Variants in GRID1 observed in about 807,000 individuals in gnomAD.
GRID1 encodes glutamate ionotropic receptor delta type subunit 1, also known as glutamate receptor ionotropic, delta-1.
Under a neutral mutation model 98.0 loss-of-function variants are expected in GRID1, and 28 were observed. That is an observed-to-expected ratio of 0.29 (90% CI 0.21 to 0.39). The LOEUF (loss-of-function observed/expected upper bound fraction) is 0.39. Ranked by LOEUF, GRID1 falls within the 10% of genes least tolerant of loss-of-function variation. GRID1 has a pLI of 1.00. For synonymous variants in GRID1, 553 were observed against 538.5 expected (o/e 1.03, Z -0.37); for missense variants, 1,111 against 1,340.5 (o/e 0.83, Z 2.67).
At chr10:85,992,616 G>T (rs948716397) in intron 4 of GRID1, among the ~76,000 whole-genome samples, 29 of 112,834 alleles carry the variant, frequency 2.6e-4, no homozygotes, top group Non-Finnish European at 4.4e-4. Flanking sequence ...GAGGAGAGGT[G>T]GGGGGGGAAC....
chr10:86,113,030 T>C (rs1844512919), intron 4 of GRID1, among the ~76,000 whole-genome samples: 1 of 152,176 alleles, frequency 6.6e-6, no homozygotes, highest in Non-Finnish European at 1.5e-5. Context: ...ACTAGACCTT[T>C]AGCCTCCGAT....
chr10:86,077,403 T>C (rs1354729532), intron 4 of GRID1, among the ~76,000 whole-genome samples: 3 of 152,190 alleles, frequency 2.0e-5, no homozygotes, highest in African/African-American at 7.2e-5. Context: ...ACCCACTGCC[T>C]GAACACACCC....
At chr10:86,278,664 A>T (rs1847310205) in intron 2 of GRID1, among the ~76,000 whole-genome samples, 1 of 152,238 alleles carries the variant, frequency 6.6e-6, no homozygotes, top group Non-Finnish European at 1.5e-5. Flanking sequence ...TAAACTCATC[A>T]GCATAGATAG....
chr10:85,674,717 T>G (rs1022930929), intron 12 of GRID1, among the ~76,000 whole-genome samples: 27 of 151,832 alleles, frequency 1.8e-4, no homozygotes, highest in Middle Eastern at 3.4e-3. Flanking sequence ...TTGCAGGTTT[T>G]TTTTTTTTTT....
chr10:85,641,072 T>C (rs1301759250), intron 13 of GRID1, among the ~76,000 whole-genome samples: 1 of 152,226 alleles, frequency 6.6e-6, no homozygotes, highest in African/African-American at 2.4e-5. Flanking sequence ...TAACGCTATA[T>C]TCTACTTGAC....
intron 4 of GRID1, among the ~76,000 whole-genome samples, chr10:86,125,070 C>T (rs185741993): frequency 6.6e-6 from 1 of 152,362 alleles, no homozygotes; most frequent in Admixed American, 6.5e-5. Context: ...GAGGCCACAG[C>T]CCAATGCAGT....
At chr10:86,215,955 G>GT (rs1241792243) in intron 2 of GRID1, among the ~76,000 whole-genome samples, 1 of 152,116 alleles carries the variant, frequency 6.6e-6, no homozygotes, top group African/African-American at 2.4e-5. Context: ...CAACCTTCAC[G>GT]TGCCCCATGC....
chr10:86,199,603 T>C (rs1282984993), intron 3 of GRID1, among the ~76,000 whole-genome samples: 4 of 152,184 alleles, frequency 2.6e-5, no homozygotes, highest in East Asian at 1.9e-4. Context: ...GGGGTTGCCA[T>C]TGGGATGATG....
intron 4 of GRID1, among the ~76,000 whole-genome samples, chr10:85,924,630 G>A (rs1188342834): frequency 6.6e-6 from 1 of 152,230 alleles, no homozygotes; most frequent in African/African-American, 2.4e-5. Flanking sequence ...AGAGTTCACT[G>A]GAAGAGAGAG....
rs575311127 is a variant in GRID1, at chr10:86,026,271, C to G, written c.727-110032G>C. On this transcript the variant is annotated intron_variant, in intron 4 of 15. Coordinates refer to ENST00000327946, the MANE Select transcript of GRID1 (RefSeq NM_017551.3). ...TATTTGATGAGTAATATCTGAAACACACACGCATACATATTGCTCTTACAA... is the reference window on the plus strand; with the variant it reads ...TATTTGATGAGTAATATCTGAAACAGACACGCATACATATTGCTCTTACAA... 2.6e-5 allele frequency among the ~76,000 whole-genome samples: 4 copies of G among 152,338 alleles called. No homozygotes were observed. In the East Asian group the frequency reaches 7.7e-4, roughly 29 times the overall value.
intron 10 of GRID1, among the ~76,000 whole-genome samples, 165 bp downstream of exon 10, chr10:85,727,690 T>A (rs1373140491): frequency 1.3e-5 from 2 of 152,106 alleles, no homozygotes; most frequent in Non-Finnish European, 2.9e-5. Flanking sequence ...CAGAAATGGA[T>A]GTAGCAGGGG....
intron 2 of GRID1, among the ~76,000 whole-genome samples, chr10:86,357,178 T>C (rs748685848): frequency 7.2e-5 from 11 of 152,226 alleles, no homozygotes; most frequent in Non-Finnish European, 1.2e-4. Context: ...TGGGTTCTTC[T>C]TTCTCAACCA....
At chr10:85,800,876 C>G (rs1340592109) in intron 8 of GRID1, among the ~76,000 whole-genome samples, 3 of 151,930 alleles carry the variant, frequency 2.0e-5, no homozygotes, top group Non-Finnish European at 4.4e-5. Flanking sequence ...TAACACAGAA[C>G]CACACAGCTA....
At chr10:86,319,306 T>C (rs930160304) in intron 2 of GRID1, among the ~76,000 whole-genome samples, 1 of 152,118 alleles carries the variant, frequency 6.6e-6, no homozygotes, top group African/African-American at 2.4e-5. Context: ...ACTCTGACAA[T>C]TGTGTTGGGA....
chr10:85,709,472 G>A (rs557448148), intron 12 of GRID1, among the ~76,000 whole-genome samples: 5 of 152,184 alleles, frequency 3.3e-5, no homozygotes, highest in South Asian at 2.1e-4. Context: ...CAACATATAG[G>A]GCAATAAATT....
intron 3 of GRID1, among the ~76,000 whole-genome samples, chr10:86,159,098 G>C (rs1845285525): frequency 6.6e-6 from 1 of 152,072 alleles, no homozygotes; most frequent in Non-Finnish European, 1.5e-5. Flanking sequence ...GTTTCACCGT[G>C]TTAGTCAGGA....
Position 86,193,346 on chromosome 10 carries a change from T to G in GRID1, c.520+13018A>C, listed in dbSNP as rs149150968. Among the ~76,000 whole-genome samples, 284 of 152,274 alleles carry G rather than the reference T, an allele frequency of 1.9e-3. 3 individuals carry two copies. The highest frequency in any genetic ancestry group is 6.4e-3 in the African/African-American group (265 of 41,572). Reference sequence around the variant, plus strand: ...TGGCACAGAGTAACTACACAGTGAATGTTTGATTCCCTTCCTTTAGGAGAA... The same window carrying G: ...TGGCACAGAGTAACTACACAGTGAAGGTTTGATTCCCTTCCTTTAGGAGAA... On this transcript the variant is annotated intron_variant, in intron 3 of 15. Coordinates refer to ENST00000327946, the MANE Select transcript of GRID1 (RefSeq NM_017551.3).
chr10:85,999,056 T>C (rs1290132774), intron 4 of GRID1, among the ~76,000 whole-genome samples: 1 of 151,866 alleles, frequency 6.6e-6, no homozygotes, highest in Admixed American at 6.6e-5. Context: ...CTACTAAAAA[T>C]ACAAAAACTA....
At chr10:86,036,464 G>T (rs569861934) in intron 4 of GRID1, among the ~76,000 whole-genome samples, 1 of 152,160 alleles carries the variant, frequency 6.6e-6, no homozygotes, top group African/African-American at 2.4e-5. Flanking sequence ...GAACGCAGCC[G>T]CAGGCACTGT....
Sources: allele counts gnomAD v4.1 joint callset (sites outside exome capture counted in the v4.1 genomes callset), GRCh38; gene constraint gnomAD v4.1.1; transcripts MANE v1.5; gene names NCBI Gene and HGNC (gene_info 2026-07-23, HGNC 2026-07-21).